The following DPPA2 variants were observed in gnomAD, a reference collection of about 807,000 sequenced individuals.
The protein encoded by DPPA2 is developmental pluripotency-associated protein 2.
DPPA2 carries 26 observed loss-of-function variants against 36.2 expected under a neutral mutation model. That is an observed-to-expected ratio of 0.72 (90% CI 0.53 to 1.00). DPPA2 has a LOEUF of 1.00. DPPA2 is among the 50% of genes least tolerant of loss of function. DPPA2 has a pLI of 0.00. For missense variants in DPPA2, 361 were observed against 365.1 expected, an observed-to-expected ratio of 0.99 and a Z score of 0.09; for synonymous variants, 113 against 123.2, an observed-to-expected ratio of 0.92 and a Z score of 0.55.
chr3:109,299,752 A>AG (rs1179392940), intron 8 of DPPA2, among the ~76,000 whole-genome samples: 1 of 48,724 alleles, frequency 2.1e-5, no homozygotes, highest in African/African-American at 5.7e-5. Flanking sequence ...TTGACTCATT[A>AG]GTTTTTTTTT....
intron 7 of DPPA2, among the ~76,000 whole-genome samples, chr3:109,300,805 G>A (rs1707443949): frequency 1.7e-5 from 2 of 118,000 alleles, no homozygotes; most frequent in South Asian, 5.9e-4. Context: ...CTAGGTGACA[G>A]AGCGAGACTC....
intron 7 of DPPA2, among the ~76,000 whole-genome samples, chr3:109,303,191 G>C (rs1707488143): frequency 6.6e-6 from 1 of 151,970 alleles, no homozygotes; most frequent in South Asian, 2.1e-4. Flanking sequence ...GGCCTCCCCA[G>C]GTGCTGGGAA....
chr3:109,309,906 AC>A (rs1215323406), intron 3 of DPPA2, among the ~76,000 whole-genome samples: 1 of 151,306 alleles, frequency 6.6e-6, no homozygotes, highest in African/African-American at 2.4e-5. Flanking sequence ...ACATGGTAAA[AC>A]CCCGTCTCTA....
chr3:109,294,749 C>G (rs192363224), intron 8 of DPPA2, among the ~76,000 whole-genome samples: 1 of 152,124 alleles, frequency 6.6e-6, no homozygotes, highest in Non-Finnish European at 1.5e-5. Flanking sequence ...ATTAGCTGGG[C>G]GCGGCGGCTC....
chr3:109,303,767 T>C (rs1239428028), intron 7 of DPPA2, among the ~76,000 whole-genome samples: 1 of 152,200 alleles, frequency 6.6e-6, no homozygotes, highest in African/African-American at 2.4e-5. Context: ...TGTGTTTTTT[T>C]CCTTTAGAAC....
At chr3:109,296,912 C>T (rs967704777) in intron 8 of DPPA2, among the ~76,000 whole-genome samples, 5 of 151,896 alleles carry the variant, frequency 3.3e-5, no homozygotes, top group Admixed American at 6.6e-5. Flanking sequence ...CATGGCAAAA[C>T]CCCATCTCTA....
chr3:109,311,560 C>T (rs1248595815), intron 3 of DPPA2, among the ~76,000 whole-genome samples: 1 of 151,786 alleles, frequency 6.6e-6, no homozygotes, highest in Non-Finnish European at 1.5e-5. Flanking sequence ...GACAACGTGG[C>T]AAAACTCCAT....
intron 7 of DPPA2, among the ~76,000 whole-genome samples, chr3:109,303,117 C>T (rs1184888009): frequency 6.6e-6 from 1 of 152,078 alleles, no homozygotes; most frequent in African/African-American, 2.4e-5. Context: ...TTAGTAGAAA[C>T]AGGGTTTCAC....
intron 2 of DPPA2, among the ~76,000 whole-genome samples, chr3:109,314,026 G>A (rs182749215): frequency 6.6e-6 from 1 of 152,078 alleles, no homozygotes; most frequent in African/African-American, 2.4e-5. Flanking sequence ...TGGTACCAAG[G>A]CCACTGGGAG....
At chr3:109,302,349 C>T (rs940788323) in intron 7 of DPPA2, among the ~76,000 whole-genome samples, 84 of 152,304 alleles carry the variant, frequency 5.5e-4, no homozygotes, top group African/African-American at 1.9e-3. Context: ...ATCTTACATT[C>T]GTCTCATTCC....
chr3:109,307,993 T>C, intron 6 of DPPA2, 39 bp downstream of exon 6: 1 of 1,596,678 alleles, frequency 6.3e-7, no homozygotes, highest in South Asian at 1.1e-5. Context: ...GTTAACCTTG[T>C]CCTCTGGAGT....
chr3:109,296,077 T>C (rs996572617), intron 8 of DPPA2, among the ~76,000 whole-genome samples: 2 of 152,040 alleles, frequency 1.3e-5, no homozygotes, highest in Non-Finnish European at 2.9e-5. Flanking sequence ...GGTTTCAACA[T>C]GTAATGAAAA....
At chr3:109,304,936 G>A (rs1405781563) in intron 6 of DPPA2, among the ~76,000 whole-genome samples, 2 of 151,888 alleles carry the variant, frequency 1.3e-5, no homozygotes, top group East Asian at 3.9e-4. Context: ...CATCTAAGGT[G>A]GGGAGTTTGA....
At position 109,308,952 on chromosome 3, in the gene DPPA2, A is replaced by G. The variant is rs924983219; in HGVS notation, c.396+74T>C. Reference sequence around the variant, plus strand: ...TGCCTTAGAGGTACAACACATAGATATGGTGCGACGGTAGGGACCGGACGA... The same window carrying G: ...TGCCTTAGAGGTACAACACATAGATGTGGTGCGACGGTAGGGACCGGACGA... On this transcript the variant is annotated intron_variant, in intron 5 of 8. Coordinates refer to ENST00000478945, the MANE Select transcript of DPPA2 (RefSeq NM_138815.4). The G allele has an allele frequency of 9.7e-6, 15 of 1,545,688 alleles. No individual in the cohort carries two copies. In the African/African-American group the frequency reaches 1.6e-4, roughly 17 times the overall value.
intron 6 of DPPA2, 143 bp from the exon 7 acceptor site, chr3:109,304,813 A>G (rs771542421): frequency 1.0e-5 from 8 of 798,782 alleles, no homozygotes; most frequent in Non-Finnish European, 1.5e-5. Context: ...ACCACATGAC[A>G]CTATGATCTA....
At chr3:109,304,928 T>C (rs977735812) in intron 6 of DPPA2, among the ~76,000 whole-genome samples, 9 of 151,730 alleles carry the variant, frequency 5.9e-5, no homozygotes, top group Non-Finnish European at 1.2e-4. Context: ...GGGAGGATCA[T>C]CTAAGGTGGG....
intron 1 of DPPA2, among the ~76,000 whole-genome samples, chr3:109,314,930 G>T (rs1457173880): frequency 6.6e-6 from 1 of 152,130 alleles, no homozygotes; most frequent in Non-Finnish European, 1.5e-5. Flanking sequence ...GGCGGGCGTT[G>T]TGGCGAGCGC....
chr3:109,295,936 A>G (rs918709151), intron 8 of DPPA2, among the ~76,000 whole-genome samples: 1 of 152,198 alleles, frequency 6.6e-6, no homozygotes, highest in African/African-American at 2.4e-5. Context: ...ACTCATCTAT[A>G]GCTGGACTGC....
chr3:109,301,177 C>G (rs1336391831), intron 7 of DPPA2, among the ~76,000 whole-genome samples: 1 of 151,666 alleles, frequency 6.6e-6, no homozygotes, highest in African/African-American at 2.4e-5. Flanking sequence ...CAGGGTTTCA[C>G]TATGTTTCTC....
Sources: allele counts gnomAD v4.1 joint callset (sites outside exome capture counted in the v4.1 genomes callset), GRCh38; gene constraint gnomAD v4.1.1; transcripts MANE v1.5; gene names NCBI Gene and HGNC (gene_info 2026-07-23, HGNC 2026-07-21).